Variants in SFMBT1 observed in about 807,000 individuals in gnomAD.
SFMBT1 encodes the protein Scm like with four mbt domains 1.
In SFMBT1, 32 loss-of-function variants were observed where a neutral mutation model predicts 108.7. The observed-to-expected ratio is 0.29, with a 90% CI of 0.22 to 0.40. The LOEUF (loss-of-function observed/expected upper bound fraction) is 0.40. SFMBT1 is among the 10% of genes least tolerant of loss of function. SFMBT1 has a pLI of 1.00. For synonymous variants in SFMBT1, 348 were observed against 369.5 expected (o/e 0.94, Z 0.67); for missense variants, 816 against 1,059.6 (o/e 0.77, Z 3.19).
intron 3 of SFMBT1, among the ~76,000 whole-genome samples, chr3:52,948,825 A>ATTTTTTTTTTTTTTGTTT (rs1703469431): frequency 1.3e-5 from 1 of 78,284 alleles, no homozygotes; most frequent in Non-Finnish European, 2.4e-5. Context: ...CTAATTTTTA[A>ATTTTTTTTTTTTTTGTTT]TTTTTTTTTT....
intron 3 of SFMBT1, among the ~76,000 whole-genome samples, chr3:52,947,878 G>C (rs1273283799): frequency 6.6e-6 from 1 of 152,100 alleles, no homozygotes; most frequent in Non-Finnish European, 1.5e-5. Context: ...GGGACTACAG[G>C]CATGCACCAC....
chr3:52,939,725 T>G (rs1339137808), intron 4 of SFMBT1, among the ~76,000 whole-genome samples: 1 of 152,214 alleles, frequency 6.6e-6, no homozygotes, highest in Non-Finnish European at 1.5e-5. Context: ...GTCCTTTTTA[T>G]TTCTTTGTTT....
chr3:52,998,395 A>G (rs1180697601), intron 1 of SFMBT1, among the ~76,000 whole-genome samples: 5 of 150,354 alleles, frequency 3.3e-5, no homozygotes, highest in Non-Finnish European at 6.0e-5. Context: ...CCGTCTCAAA[A>G]AAAAGAAAAG....
At chr3:52,929,616 A>C (rs1702797405) in intron 8 of SFMBT1, among the ~76,000 whole-genome samples, 1 of 152,180 alleles carries the variant, frequency 6.6e-6, no homozygotes, top group Admixed American at 6.5e-5. Flanking sequence ...TTCTGGCCCC[A>C]CCTGCAGGCT....
At chr3:52,974,659 A>C (rs1398403123) in intron 1 of SFMBT1, among the ~76,000 whole-genome samples, 2 of 152,012 alleles carry the variant, frequency 1.3e-5, no homozygotes, top group African/African-American at 4.8e-5. Flanking sequence ...GTTTTAGTTC[A>C]ATTTTGCGAG....
intron 1 of SFMBT1, among the ~76,000 whole-genome samples, chr3:52,998,017 G>C: frequency 6.6e-6 from 1 of 150,502 alleles, no homozygotes; most frequent in East Asian, 1.9e-4. Flanking sequence ...GTATAGTTCT[G>C]TGGCATTAAG....
At chr3:52,945,149 A>AAAAAAAAAAAAAAAAAAAAAAAAAAAAAG (rs1559521057) in intron 3 of SFMBT1, among the ~76,000 whole-genome samples, 3 of 148,588 alleles carry the variant, frequency 2.0e-5, no homozygotes, top group Non-Finnish European at 4.5e-5. Flanking sequence ...AAAAAAAAAA[A>AAAAAAAAAAAAAAAAAAAAAAAAAAAAAG]AACAAGGACT....
chr3:52,930,983 CACTTTG>C lies in SFMBT1; in HGVS notation c.747_752del (p.Val251_Lys252del). ...GTAATGGCTCTTCCTCTTCCTCTTT[CACTTTG>C]GCCAAAATCTCTTGCCACTCAGCTT... On this transcript the variant is annotated inframe_deletion, in exon 7 of 21. Coordinates refer to ENST00000394752, the MANE Select transcript of SFMBT1 (RefSeq NM_016329.4). 14 of 1,614,096 alleles carry C rather than the reference CACTTTG, an allele frequency of 8.7e-6. No individual in the cohort carries two copies. The highest frequency in any genetic ancestry group is 1.2e-5 in the Non-Finnish European group (14 of 1,179,960).
intron 12 of SFMBT1, 112 bp downstream of exon 12, chr3:52,920,425 G>A: frequency 1.3e-6 from 1 of 761,172 alleles, no homozygotes; most frequent in African/African-American, 1.8e-5. Flanking sequence ...CAGGAACAGA[G>A]AACCAGAATG....
At chr3:52,918,385 T>A in intron 13 of SFMBT1, 99 bp downstream of exon 13, 1 of 916,204 alleles carries the variant, frequency 1.1e-6, no homozygotes, top group Non-Finnish European at 1.6e-6. Context: ...ATTAAAAAAT[T>A]ATGCTTCCAT....
chr3:52,931,415 T>C (rs1360928057), intron 6 of SFMBT1, among the ~76,000 whole-genome samples: 1 of 152,348 alleles, frequency 6.6e-6, no homozygotes, highest in South Asian at 2.1e-4. Context: ...CAATTTTCTA[T>C]GTACCTAGCT....
chr3:53,038,085 C>A (rs1575455208), intron 1 of SFMBT1, among the ~76,000 whole-genome samples: 1 of 151,832 alleles, frequency 6.6e-6, no homozygotes, highest in Non-Finnish European at 1.5e-5. Context: ...GCCTGGGCAA[C>A]AAGAGCAAAA....
intron 1 of SFMBT1, among the ~76,000 whole-genome samples, chr3:53,035,645 G>A (rs748789905): frequency 6.6e-6 from 1 of 152,192 alleles, no homozygotes; most frequent in Non-Finnish European, 1.5e-5. Flanking sequence ...TGCCCAGGCT[G>A]GAGTGCAGTG....
intron 1 of SFMBT1, 71 bp from the exon 2 acceptor site, chr3:52,969,329 A>G (rs1704262530): frequency 7.1e-7 from 1 of 1,404,214 alleles, no homozygotes; most frequent in Admixed American, 3.0e-5. Context: ...CAAACAGGGC[A>G]CTCGACTGGT....
At chr3:52,938,812 T>C (rs530643661) in intron 4 of SFMBT1, among the ~76,000 whole-genome samples, 2 of 152,356 alleles carry the variant, frequency 1.3e-5, no homozygotes, top group Admixed American at 6.5e-5. Context: ...GCTATACATA[T>C]ATTTAATGTT....
Position 52,996,375 on chromosome 3 carries a change from G to T in SFMBT1, c.-130-27117C>A, listed in dbSNP as rs986449908. 1.3e-5 allele frequency among the ~76,000 whole-genome samples: 2 copies of T among 148,844 alleles called. 1 individual carries two copies. The highest frequency in any genetic ancestry group is 3.0e-5 in the Non-Finnish European group (2 of 66,488). ...CTACAGGCGCACGCCACCACACCCA[G>T]CTAATTTTTGTATTTTTTTAGTAGA... On this transcript the variant is annotated intron_variant, in intron 1 of 20. Transcript: ENST00000394752.
intron 1 of SFMBT1, among the ~76,000 whole-genome samples, chr3:53,039,405 G>A (rs1426995203): frequency 6.6e-6 from 1 of 152,154 alleles, no homozygotes; most frequent in East Asian, 1.9e-4. Flanking sequence ...GAAGTACCTA[G>A]AATAGTCAAA....
chr3:52,945,964 A>G (rs1703352793), intron 3 of SFMBT1, among the ~76,000 whole-genome samples: 1 of 152,228 alleles, frequency 6.6e-6, no homozygotes, highest in Non-Finnish European at 1.5e-5. Context: ...CAGCAACATT[A>G]CAGTGAAAAA....
chr3:52,962,861 A>ACACT (rs1166641890), intron 2 of SFMBT1, among the ~76,000 whole-genome samples: 1 of 151,376 alleles, frequency 6.6e-6, no homozygotes, highest in African/African-American at 2.4e-5. Context: ...ATATGTATAT[A>ACACT]CACTCACATA....
Sources: gnomAD v4.1 joint callset for allele counts (sites outside exome capture counted in the v4.1 genomes callset) on GRCh38, gnomAD v4.1.1 for gene constraint, MANE v1.5 for transcripts, NCBI Gene and HGNC (gene_info 2026-07-23, HGNC 2026-07-21) for gene names.